RORA: variants seen among roughly 807,000 people sequenced by gnomAD.
The protein encoded by RORA is RAR related orphan receptor A.
Under a neutral mutation model 69.5 loss-of-function variants are expected in RORA, and 7 were observed. That is an observed-to-expected ratio of 0.10 (90% confidence interval 0.06 to 0.19). The LOEUF (loss-of-function observed/expected upper bound fraction) is 0.19, where lower values mean the gene tolerates loss of function less well. Among genes scored for constraint, RORA ranks in the 10% least tolerant of loss-of-function variants. The probability of loss-of-function intolerance (pLI) is 1.00; values close to 1 mark genes in which losing one functional copy is unlikely to be tolerated. For missense variants in RORA, 457 were observed against 663.0 expected (o/e 0.69, Z 3.41); for synonymous variants, 261 against 240.8 (o/e 1.08, Z -0.78).
intron 1 of RORA, chr15:60,686,895 T>C (rs183303724): frequency 2.6e-5 from 4 of 152,350 alleles, no homozygotes; most frequent in African/African-American, 9.6e-5. Flanking sequence ...ATCATGCCCT[T>C]GGATAGACAA....
chr15:61,119,456 A>G (rs532271214), intron 1 of RORA, among the ~76,000 whole-genome samples: 7 of 151,456 alleles, frequency 4.6e-5, no homozygotes, highest in Non-Finnish European at 1.0e-4. Flanking sequence ...ATATATACAC[A>G]CAAATATATA....
At chr15:60,930,529 G>A (rs1566913438) in intron 1 of RORA, among the ~76,000 whole-genome samples, 1 of 152,200 alleles carries the variant, frequency 6.6e-6, no homozygotes, top group Non-Finnish European at 1.5e-5. Flanking sequence ...AACACCTATA[G>A]ATGCAAAGTG....
chr15:60,653,024 CA>C lies in RORA; in HGVS notation c.196+25632del, dbSNP rs1291537627. Among the ~76,000 whole-genome samples, 3 of 152,352 alleles carry C rather than the reference CA, an allele frequency of 2.0e-5. No individual in the cohort carries two copies. In the East Asian group the frequency reaches 5.8e-4, roughly 29 times the overall value. On this transcript the variant is annotated intron_variant, in intron 2 of 10. Transcript: ENST00000335670. ...ACAACAGAGTTCACTTCATAATCAC[CA>C]GACTTCAGCCCGTAAGCGTGATCTG...
At chr15:61,169,345 G>A (rs1272042809) in intron 1 of RORA, among the ~76,000 whole-genome samples, 1 of 151,570 alleles carries the variant, frequency 6.6e-6, no homozygotes, top group Admixed American at 6.6e-5. Context: ...CTTTCAATCT[G>A]GAGCTTGGCT....
In RORA at chr15:60,693,915, AT is replaced by A. The variant is rs139887663; in HGVS notation, c.167-15230del. Among the ~76,000 whole-genome samples the A allele has an allele frequency of 5.0e-4, 76 of 151,628 alleles. 1 individual carries two copies. The highest frequency in any genetic ancestry group is 2.0e-3 in the Admixed American group (31 of 15,188). On this transcript the variant is annotated intron_variant, in intron 1 of 10. Transcript: ENST00000335670. ...TGCTATTCCCATTAAACTATCATTG[AT>A]TTTTTTTTCACAGAATTAGAAAAAA...
chr15:60,921,444 A>G (rs1441023320), intron 1 of RORA, among the ~76,000 whole-genome samples: 1 of 152,204 alleles, frequency 6.6e-6, no homozygotes, highest in East Asian at 1.9e-4. Flanking sequence ...ATAGCACATG[A>G]TTCAATTTAA....
At chr15:60,563,142 T>C (rs2067624807) in intron 2 of RORA, among the ~76,000 whole-genome samples, 1 of 152,084 alleles carries the variant, frequency 6.6e-6, no homozygotes, top group African/African-American at 2.4e-5. Context: ...CAAAGTAAAA[T>C]CAAACTAAGG....
intron 1 of RORA, among the ~76,000 whole-genome samples, chr15:60,923,774 C>CACATTCCCACAA (rs1892120682): frequency 1.3e-5 from 2 of 152,176 alleles, no homozygotes; most frequent in Non-Finnish European, 2.9e-5. Flanking sequence ...CACTACAGAT[C>CACATTCCCACAA]ACAGTGGCAA....
chr15:61,100,415 C>T (rs546414359), intron 1 of RORA, among the ~76,000 whole-genome samples: 11 of 152,304 alleles, frequency 7.2e-5, no homozygotes, highest in African/African-American at 2.2e-4. Flanking sequence ...CAGCGGTGCC[C>T]GGCCTGAGCG....
intron 1 of RORA, among the ~76,000 whole-genome samples, chr15:60,836,555 C>G (rs964538091): frequency 6.6e-6 from 1 of 152,160 alleles, no homozygotes; most frequent in African/African-American, 2.4e-5. Context: ...CTAAGCAGAG[C>G]TCTCCCTGGG....
At chr15:61,132,458 G>A (rs1003335486) in intron 1 of RORA, among the ~76,000 whole-genome samples, 2 of 151,968 alleles carry the variant, frequency 1.3e-5, no homozygotes, top group Non-Finnish European at 2.9e-5. Context: ...ACATATCCCA[G>A]TTCCGGATAA....
intron 1 of RORA, among the ~76,000 whole-genome samples, chr15:60,852,734 C>T (rs1253538017): frequency 2.0e-5 from 3 of 152,116 alleles, no homozygotes; most frequent in African/African-American, 7.2e-5. Context: ...TGGGGTGAGT[C>T]TGCAGCAAAC....
chr15:60,556,973 T>C, intron 2 of RORA: 1 of 1,507,548 alleles, frequency 6.6e-7, no homozygotes, highest in Non-Finnish European at 9.2e-7. Context: ...AAAGAAAAGA[T>C]TTATCAGAGC....
intron 1 of RORA, among the ~76,000 whole-genome samples, chr15:60,981,042 C>T (rs7180208): frequency 0.7 from 106,031 of 151,360 alleles, 37,897 homozygotes; most frequent in African/African-American, 0.85. Flanking sequence ...GGTTTCTTAA[C>T]TTCTCATTCA....
intron 1 of RORA, among the ~76,000 whole-genome samples, chr15:61,034,921 T>C (rs980274497): frequency 1.1e-4 from 17 of 152,122 alleles, no homozygotes; most frequent in African/African-American, 3.9e-4. Context: ...CTGGAGATTG[T>C]ACTTCCTGGT....
chr15:60,627,178 G>C, intron 2 of RORA: 1 of 1,461,810 alleles, frequency 6.8e-7, no homozygotes. Flanking sequence ...GGTTGTGGGT[G>C]GTGGGGGGAG....
intron 2 of RORA, among the ~76,000 whole-genome samples, chr15:60,598,784 C>G (rs907649562): frequency 1.3e-5 from 2 of 152,150 alleles, no homozygotes; most frequent in African/African-American, 4.8e-5. Flanking sequence ...TATTAAGCAC[C>G]TGCTAAGTAT....
intron 1 of RORA, among the ~76,000 whole-genome samples, chr15:61,072,248 C>A (rs937863838): frequency 3.3e-5 from 5 of 151,960 alleles, no homozygotes; most frequent in African/African-American, 1.2e-4. Context: ...GAGAAGACAT[C>A]ATTACCTGTA....
At position 60,755,562 on chromosome 15, in the gene RORA, C is replaced by T. The variant is rs140751303; in HGVS notation, c.167-76876G>A. On this transcript the variant is annotated intron_variant, in intron 1 of 10. Coordinates refer to ENST00000335670, the MANE Select transcript of RORA (RefSeq NM_134261.3). ...CTAGATCCCTGAGGAATCGCCACAC[C>T]GACTTTCACAATGGTTGAACTAGTT... Among the ~76,000 whole-genome samples, 1,063 of 152,158 alleles carry T rather than the reference C, an allele frequency of 7.0e-3. 20 individuals carry two copies. The East Asian group carries it at 0.08, about 11-fold the overall frequency.
Sources: gnomAD v4.1 joint callset for allele counts (sites outside exome capture counted in the v4.1 genomes callset) on GRCh38, gnomAD v4.1.1 for gene constraint, MANE v1.5 for transcripts, NCBI Gene and HGNC (gene_info 2026-07-23, HGNC 2026-07-21) for gene names.